The following KALRN variants were observed in gnomAD, a reference collection of about 807,000 sequenced individuals.
KALRN encodes the protein kalirin.
In KALRN, 70 loss-of-function variants were observed where a neutral mutation model predicts 353.7. The ratio of observed to expected loss-of-function variants is 0.20; its 90% CI spans 0.16 to 0.24. The LOEUF is 0.24. Among genes scored for constraint, KALRN ranks in the 10% least tolerant of loss-of-function variants. The pLI, the probability that KALRN is intolerant of heterozygous loss-of-function variation, is 1.00. For missense variants in KALRN, 2,791 were observed against 3,756.7 expected (o/e 0.74, Z 6.72); for synonymous variants, 1,391 against 1,434.8 (o/e 0.97, Z 0.69).
chr3:124,395,886 CCTT>C (rs938047901), intron 12 of KALRN, among the ~76,000 whole-genome samples: 2 of 152,212 alleles, frequency 1.3e-5, no homozygotes, highest in Admixed American at 6.5e-5. Flanking sequence ...AAATAAAACT[CCTT>C]CTGCATCAAC....
chr3:124,477,824 T>C (rs145090650), intron 27 of KALRN, among the ~76,000 whole-genome samples: 384 of 151,474 alleles, frequency 2.5e-3, no homozygotes, highest in African/African-American at 9.2e-3. Flanking sequence ...ATGCAATTGA[T>C]TCAACCTTTT....
chr3:124,592,326 A>G (rs1010362250), intron 34 of KALRN, among the ~76,000 whole-genome samples: 81 of 150,764 alleles, frequency 5.4e-4, no homozygotes, highest in Non-Finnish European at 7.7e-4. Flanking sequence ...AAAAAAAAAA[A>G]AAAGAAAAAA....
At chr3:124,342,730 A>T (rs1270549242) in intron 9 of KALRN, among the ~76,000 whole-genome samples, 1 of 152,182 alleles carries the variant, frequency 6.6e-6, no homozygotes, top group Non-Finnish European at 1.5e-5. Context: ...GACAACCATT[A>T]TTGAGTACTA....
intron 11 of KALRN, 120 bp from the exon 12 acceptor site, chr3:124,395,015 T>G: frequency 4.4e-6 from 3 of 681,930 alleles, no homozygotes; most frequent in Non-Finnish European, 7.7e-6. Context: ...GTTGTGCTGA[T>G]GAGAATGGCA....
At chr3:124,544,118 C>A (rs779199770) in intron 33 of KALRN, among the ~76,000 whole-genome samples, 38 of 152,328 alleles carry the variant, frequency 2.5e-4, no homozygotes, top group Non-Finnish European at 4.9e-4. Context: ...AGGAAACTGT[C>A]ATGTGTGTTG....
chr3:124,413,744 A>G (rs2092330599), intron 14 of KALRN, 79 bp downstream of exon 14: 1 of 1,081,802 alleles, frequency 9.2e-7, no homozygotes, highest in South Asian at 1.6e-5. Context: ...GAGCAGTGCC[A>G]CATCGTTTAT....
rs1312603937 is a variant in KALRN at position 124,395,312 on chromosome 3, C to T, written c.2140C>T (p.Pro714Ser). The T allele has an allele frequency of 6.2e-7, 1 of 1,613,228 alleles. No homozygotes were observed. The highest frequency in any genetic ancestry group is 1.3e-5 in the African/African-American group (1 of 74,760). The change falls in exon 12 of 60, where the codon CCT becomes TCT. Residue 714 changes from proline to serine, a missense_variant. Transcript: ENST00000682506. ...EDLIQQLRSAPPSLGEPSEAR... is the reference protein window; with the variant it reads ...EDLIQQLRSASPSLGEPSEAR... Reference sequence around the variant, plus strand: ...CCTTATCCAGCAGCTCAGGTCAGCGCCTCCCTCCCTCGGGGAGCCCAGCGA... The same window carrying T: ...CCTTATCCAGCAGCTCAGGTCAGCGTCTCCCTCCCTCGGGGAGCCCAGCGA...
intron 59 of KALRN, 107 bp downstream of exon 59, chr3:124,717,492 C>A: frequency 1.5e-6 from 1 of 650,278 alleles, no homozygotes; most frequent in Non-Finnish European, 2.4e-6. Context: ...CGAGACCATC[C>A]TGGCTGACAC....
chr3:124,505,079 T>C, intron 33 of KALRN: 1 of 453,534 alleles, frequency 2.2e-6, no homozygotes, highest in South Asian at 1.6e-5. Context: ...GGGCAAGGAT[T>C]TTACTGGAGT....
intron 5 of KALRN, among the ~76,000 whole-genome samples, chr3:124,295,074 A>C (rs1373785476): frequency 6.6e-6 from 1 of 152,210 alleles, no homozygotes; most frequent in Non-Finnish European, 1.5e-5. Context: ...AGCCAGTTCC[A>C]CTGAATGTAA....
chr3:124,394,907 AG>A (rs1224995571), intron 11 of KALRN, among the ~76,000 whole-genome samples: 1 of 152,188 alleles, frequency 6.6e-6, no homozygotes, highest in African/African-American at 2.4e-5. Flanking sequence ...AAGTTAAGCC[AG>A]GGGTGATTCC....
intron 43 of KALRN, 70 bp downstream of exon 43, chr3:124,659,527 G>A (rs2084541368): frequency 1.9e-6 from 2 of 1,039,680 alleles, no homozygotes; most frequent in Admixed American, 3.4e-5. Flanking sequence ...TCTGAGCTAG[G>A]GGTAGAGCTA....
chr3:124,495,751 AG>A (rs1161696141), intron 32 of KALRN, among the ~76,000 whole-genome samples: 2 of 137,560 alleles, frequency 1.5e-5, no homozygotes, highest in East Asian at 2.2e-4. Flanking sequence ...AAAAAAAAAA[AG>A]AAGAAGAAAT....
At chr3:124,395,608 A>G in intron 12 of KALRN, 1 of 446,146 alleles carries the variant, frequency 2.2e-6, no homozygotes, top group Non-Finnish European at 4.0e-6. Context: ...TACAACAAAA[A>G]TTAACAAAAG....
At chr3:124,566,257 T>C (rs7645022) in intron 34 of KALRN, among the ~76,000 whole-genome samples, 57,165 of 151,996 alleles carry the variant, frequency 0.38, 11,368 homozygotes, top group African/African-American at 0.51. Flanking sequence ...TCCCAGCACT[T>C]TGGGAGGCTG....
intron 1 of KALRN, among the ~76,000 whole-genome samples, chr3:124,216,761 T>G (rs1205916593): frequency 6.6e-6 from 1 of 152,220 alleles, no homozygotes; most frequent in Non-Finnish European, 1.5e-5. Context: ...GTCAAATGTT[T>G]TCCCAATCAT....
chr3:124,583,973 A>C (rs559708220), intron 34 of KALRN, among the ~76,000 whole-genome samples: 1 of 152,346 alleles, frequency 6.6e-6, no homozygotes, highest in African/African-American at 2.4e-5. Flanking sequence ...TAGCTGGGGC[A>C]ACATAGCAAG....
chr3:124,206,927 A>T (rs1351459599), intron 1 of KALRN, among the ~76,000 whole-genome samples: 1 of 152,188 alleles, frequency 6.6e-6, no homozygotes, highest in Non-Finnish European at 1.5e-5. Flanking sequence ...CATGAAGAAG[A>T]CTGATTTCCC....
At chr3:124,593,866 C>T (rs1363005093) in intron 34 of KALRN, among the ~76,000 whole-genome samples, 1 of 152,200 alleles carries the variant, frequency 6.6e-6, no homozygotes, top group South Asian at 2.1e-4. Context: ...TCTCCCGCCA[C>T]ATTCCCCTGC....
Sources: gnomAD v4.1 joint callset for allele counts (sites outside exome capture counted in the v4.1 genomes callset) on GRCh38, gnomAD v4.1.1 for gene constraint, MANE v1.5 for transcripts, NCBI Gene and HGNC (gene_info 2026-07-23, HGNC 2026-07-21) for gene names.